The following GPLD1 variants were observed in gnomAD, a reference collection of about 807,000 sequenced individuals.
GPLD1 encodes glycosylphosphatidylinositol specific phospholipase D1, also known as phosphatidylinositol-glycan-specific phospholipase D.
In GPLD1, 84 loss-of-function variants were observed where a neutral mutation model predicts 112.6. The observed-to-expected ratio is 0.75, with a 90% CI of 0.63 to 0.89. The LOEUF is 0.89. Among genes scored for constraint, GPLD1 ranks in the 40% least tolerant of loss-of-function variants. The probability of loss-of-function intolerance (pLI) is 0.00; values close to 1 mark genes in which losing one functional copy is unlikely to be tolerated. For synonymous variants in GPLD1, 386 were observed against 403.8 expected (o/e 0.96, Z 0.53); for missense variants, 1,044 against 1,051.5 (o/e 0.99, Z 0.10).
chr6:24,450,334 G>A (rs1041230823), intron 14 of GPLD1, among the ~76,000 whole-genome samples: 1 of 151,850 alleles, frequency 6.6e-6, no homozygotes, highest in Non-Finnish European at 1.5e-5. Flanking sequence ...AACCCCATCT[G>A]TACTAAAACT....
At chr6:24,484,827 G>T (rs1764318553) in intron 2 of GPLD1, among the ~76,000 whole-genome samples, 1 of 152,168 alleles carries the variant, frequency 6.6e-6, no homozygotes, top group African/African-American at 2.4e-5. Flanking sequence ...ACGACTAAAA[G>T]TATTTTGAGG....
chr6:24,435,212 A>T (rs946199462), intron 22 of GPLD1, among the ~76,000 whole-genome samples: 2 of 148,532 alleles, frequency 1.3e-5, no homozygotes, highest in South Asian at 2.1e-4. Context: ...AGGGTTTCAC[A>T]GTGTTAGCCA....
At chr6:24,438,541 A>T (rs560909887) in intron 20 of GPLD1, among the ~76,000 whole-genome samples, 1 of 152,334 alleles carries the variant, frequency 6.6e-6, no homozygotes, top group Non-Finnish European at 1.5e-5. Flanking sequence ...GAAACTGTCC[A>T]CTAGAAGCCA....
intron 7 of GPLD1, 59 bp from the exon 8 acceptor site, chr6:24,467,333 A>G (rs549394897): frequency 9.4e-5 from 86 of 911,140 alleles, no homozygotes; most frequent in African/African-American, 2.8e-4. Flanking sequence ...AATAGTAACA[A>G]CAGCAGCAGC....
At chr6:24,472,184 A>C (rs1763847452) in intron 7 of GPLD1, among the ~76,000 whole-genome samples, 1 of 152,204 alleles carries the variant, frequency 6.6e-6, no homozygotes, top group Admixed American at 6.5e-5. Flanking sequence ...CATAAAATAG[A>C]AGAAAAGTGT....
At chr6:24,449,934 G>A (rs1334687290) in intron 14 of GPLD1, 35 bp from the exon 15 acceptor site, 1 of 1,461,458 alleles carries the variant, frequency 6.8e-7, no homozygotes, top group East Asian at 2.4e-5. Flanking sequence ...CCTGGGCTGA[G>A]CCACGGCCTC....
intron 20 of GPLD1, among the ~76,000 whole-genome samples, chr6:24,440,152 T>C (rs904159931): frequency 2.0e-5 from 3 of 152,144 alleles, no homozygotes; most frequent in Non-Finnish European, 4.4e-5. Flanking sequence ...TTCATATTTG[T>C]GTCTCAGAAA....
At chr6:24,429,829 T>C (rs1762348105) in intron 24 of GPLD1, among the ~76,000 whole-genome samples, 1 of 152,236 alleles carries the variant, frequency 6.6e-6, no homozygotes, top group Non-Finnish European at 1.5e-5. Context: ...ATTACAGATG[T>C]GAGCCACCAT....
chr6:24,490,645 G>C (rs1764531055), upstream of GPLD1, among the ~76,000 whole-genome samples: 1 of 152,016 alleles, frequency 6.6e-6, no homozygotes, highest in African/African-American at 2.4e-5. Context: ...CCAGCTACTG[G>C]GGAGGCTGAG....
chr6:24,469,909 G>A (rs1763741473), intron 7 of GPLD1, among the ~76,000 whole-genome samples: 1 of 152,088 alleles, frequency 6.6e-6, no homozygotes, highest in African/African-American at 2.4e-5. Flanking sequence ...AAGAGCACTG[G>A]AATGGCATTC....
intron 15 of GPLD1, among the ~76,000 whole-genome samples, chr6:24,448,988 G>A (rs1762997135): frequency 6.6e-6 from 1 of 152,062 alleles, no homozygotes; most frequent in South Asian, 2.1e-4. Flanking sequence ...GACACCCAGG[G>A]AAGAAGGGGA....
chr6:24,458,368 A>T (rs2127346843), intron 12 of GPLD1, among the ~76,000 whole-genome samples: 1 of 152,294 alleles, frequency 6.6e-6, no homozygotes, highest in South Asian at 2.1e-4. Flanking sequence ...TTCATCCAGG[A>T]AGCAATTAAT....
chr6:24,455,272 G>A (rs1763230655), intron 13 of GPLD1, among the ~76,000 whole-genome samples: 1 of 152,202 alleles, frequency 6.6e-6, no homozygotes, highest in Admixed American at 6.5e-5. Flanking sequence ...AGCCCAGCAG[G>A]AGGCCTTTCG....
At chr6:24,453,062 A>C (rs1012193159) in intron 14 of GPLD1, among the ~76,000 whole-genome samples, 1 of 152,038 alleles carries the variant, frequency 6.6e-6, no homozygotes, top group South Asian at 2.1e-4. Flanking sequence ...GATGTTAGAA[A>C]AACTTTCCAG....
At chr6:24,472,496 T>C in intron 7 of GPLD1, 86 bp downstream of exon 7, 1 of 770,878 alleles carries the variant, frequency 1.3e-6, no homozygotes, top group South Asian at 1.5e-5. Context: ...CTTCTAATTA[T>C]ATTGTCAGTT....
rs1261800997 is a variant in GPLD1, at chr6:24,495,113, C to T, written n.93G>A. The T allele has an allele frequency of 3.1e-6, 4 of 1,310,954 alleles. No homozygotes were observed. Among genetic ancestry groups the T allele is most frequent in the Non-Finnish European group, 3.9e-6 (4 of 1,038,646 alleles). 81.2% of individuals were successfully genotyped at this position (1,310,954 alleles called of 1,614,324 possible). ...TGGTCCCTGCCTCCGGGCCTGCGCC[C>T]GGCCCGGCCCAGCTCCGCTGCTACG... On this transcript the variant is annotated non_coding_transcript_exon_variant, in exon 1 of 11. Transcript: ENST00000474784.
At chr6:24,459,511 C>A (rs1449118725) in intron 12 of GPLD1, among the ~76,000 whole-genome samples, 1 of 152,228 alleles carries the variant, frequency 6.6e-6, no homozygotes, top group Admixed American at 6.5e-5. Flanking sequence ...CCTGCCTCAG[C>A]CACTTAAAGT....
intron 11 of GPLD1, 100 bp from the exon 12 acceptor site, chr6:24,460,499 A>G (rs1763400534): frequency 1.6e-6 from 2 of 1,269,906 alleles, no homozygotes; most frequent in South Asian, 1.4e-5. Context: ...AGGTTAAAAG[A>G]CCACAAAATT....
intron 2 of GPLD1, among the ~76,000 whole-genome samples, chr6:24,485,359 G>A (rs542693127): frequency 2.0e-5 from 3 of 152,204 alleles, no homozygotes; most frequent in South Asian, 2.1e-4. Context: ...GCAACATAGC[G>A]AGACCCCCAT....
Sources: allele counts gnomAD v4.1 joint callset (sites outside exome capture counted in the v4.1 genomes callset), GRCh38; gene constraint gnomAD v4.1.1; transcripts MANE v1.5; gene names NCBI Gene and HGNC (gene_info 2026-07-23, HGNC 2026-07-21).